The following CAMSAP3 variants were observed in gnomAD, a reference collection of about 807,000 sequenced individuals.
CAMSAP3 encodes the protein calmodulin-regulated spectrin-associated protein 3.
Under a neutral mutation model 112.5 loss-of-function variants are expected in CAMSAP3, and 34 were observed. The ratio of observed to expected loss-of-function variants is 0.30; its 90% CI spans 0.23 to 0.40. The LOEUF is 0.40. Among genes scored for constraint, CAMSAP3 ranks in the 10% least tolerant of loss-of-function variants. The pLI is 1.00. For synonymous variants in CAMSAP3, 868 were observed against 799.8 expected (o/e 1.09, Z -1.44); for missense variants, 1,602 against 1,770.3 (o/e 0.90, Z 1.71).
chr19:7,610,830 G>T lies in CAMSAP3; in HGVS notation c.994+37G>T, dbSNP rs746941334. The stretch of plus-strand genomic sequence containing the variant: ...GGGGCCTGGGGGCCGGGTCGGGGGC[G>T]GGTGGGAGAGCCAAACCCCCGCCTG... On this transcript the variant is annotated intron_variant, in intron 7 of 16. Transcript: ENST00000160298. This position sits in a 1 kb window ranked among gnomAD's most constrained non-coding sequence, Gnocchi z 4.9. 2 of 1,610,078 alleles carry T rather than the reference G, an allele frequency of 1.2e-6. No homozygotes were observed. The highest frequency in any genetic ancestry group is 1.7e-5 in the Admixed American group (1 of 59,938).
chr19:7,606,153 C>CCCCCCCCCCCCCCCCCCCCCA, intron 2 of CAMSAP3, 118 bp from the exon 3 acceptor site: 1 of 471,770 alleles, frequency 2.1e-6, no homozygotes, highest in Non-Finnish European at 3.7e-6. Context: ...CCCCTCAAGC[C>CCCCCCCCCCCCCCCCCCCCCA]CCACCCCCCC....
At chr19:7,608,101 C>T in intron 4 of CAMSAP3, 25 bp from the exon 5 acceptor site, 1 of 1,605,422 alleles carries the variant, frequency 6.2e-7, no homozygotes. Flanking sequence ...CCTGGCCACT[C>T]ACCTGACCTG....
chr19:7,616,874 T>C (rs750196638), intron 14 of CAMSAP3, among the ~76,000 whole-genome samples: 1 of 150,382 alleles, frequency 6.6e-6, no homozygotes, highest in Non-Finnish European at 1.5e-5. Context: ...CACGGGGCAC[T>C]GCATGGACTT....
At position 7,607,902 on chromosome 19, in the gene CAMSAP3, C is replaced by T; in HGVS notation, c.622-224C>T. 1.1e-6 allele frequency: 1 copy of T among 875,166 alleles called. No individual in the cohort carries two copies. Among genetic ancestry groups the T allele is most frequent in the Non-Finnish European group, 1.9e-6 (1 of 534,962 alleles). The allele number at this position is 875,166 out of a possible 1,614,324, so 54.2% of individuals were successfully genotyped here. ...TCCCCCGCCCCGGGGTCCCAGGAGT[C>T]CCTGTCCCCAGCCCCCGCTGCTGGC... On this transcript the variant is annotated intron_variant, in intron 4 of 16. Coordinates refer to ENST00000160298, the MANE Select transcript of CAMSAP3 (RefSeq NM_020902.2). This position sits in a 1 kb window ranked among gnomAD's most constrained non-coding sequence, Gnocchi z 4.9.
intron 2 of CAMSAP3, 145 bp from the exon 3 acceptor site, chr19:7,606,126 T>A: frequency 1.1e-6 from 1 of 888,948 alleles, no homozygotes; most frequent in Non-Finnish European, 1.7e-6. Context: ...GCCCCACCCA[T>A]GAACCACTGG....
At position 7,617,354 on chromosome 19, in the gene CAMSAP3, C is replaced by T. The variant is rs748136815; in HGVS notation, c.3241C>T (p.Pro1081Ser). Residue 1081 changes from proline to serine, a missense_variant, in exon 15 of 17, where the codon CCA (proline) becomes TCA (serine). By Grantham distance (74) the Pro-to-Ser change is moderately conservative. This residue lies in a region of CAMSAP3 where 1,100 missense variants were observed against 1,135.7 expected (regional missense o/e 0.97). Coordinates refer to ENST00000160298, the MANE Select transcript of CAMSAP3 (RefSeq NM_020902.2). This position sits in a 1 kb window ranked among gnomAD's most constrained non-coding sequence, Gnocchi z 7.5. ...TCCCTCCCCGTCAGGTCTCATGTCC[C>T]CAAGCCGCCTGCCTGGAAGCCGCGA... ...RAPSPSGLMS[P>S]SRLPGSRERD... is the part of the protein sequence containing the mutation. 1.2e-6 allele frequency: 2 copies of T among 1,614,122 alleles called. No individual in the cohort carries two copies. Among genetic ancestry groups the T allele is most frequent in the Non-Finnish European group, 8.5e-7 (1 of 1,179,984 alleles).
At chr19:7,606,079 C>T (rs2030199273) in intron 2 of CAMSAP3, among the ~76,000 whole-genome samples, 192 bp from the exon 3 acceptor site, 2 of 152,096 alleles carry the variant, frequency 1.3e-5, no homozygotes, top group South Asian at 4.1e-4. Flanking sequence ...TCGTGCGTGG[C>T]TTTTCCGGGA....
At position 7,615,047 on chromosome 19, in the gene CAMSAP3, C is replaced by T. The variant is rs1032696189; in HGVS notation, c.2671-136C>T. ...AGTGTGGGGCTGTGCATACAGTAGG[C>T]ACCAACTAAGTGCATTTAGAACAAT... On this transcript the variant is annotated intron_variant, in intron 11 of 16. Transcript: ENST00000160298. The surrounding 1 kb of genome is among the most constrained non-coding windows in gnomAD (Gnocchi z 6.5). The T allele has an allele frequency of 4.8e-6, 5 of 1,039,508 alleles. No homozygotes were observed. The highest frequency in any genetic ancestry group is 2.1e-5 in the Admixed American group (1 of 48,708). 64.4% of individuals were successfully genotyped at this position (1,039,508 alleles called of 1,614,324 possible). A position where few individuals can be genotyped will look rare whatever the true frequency, so the allele number is the denominator to read the frequency against.
chr19:7,610,333 AG>A lies in CAMSAP3; in HGVS notation c.761-142del. On this transcript the variant is annotated intron_variant, in intron 5 of 16. Transcript: ENST00000160298. This position sits in a 1 kb window ranked among gnomAD's most constrained non-coding sequence, Gnocchi z 4.9. ...ACTCCATCTCAAAAAAAAAAAAAAA[AG>A]AATTCACCTCTCGAAGGGCACCTGG... 6.3e-5 allele frequency: 42 copies of A among 667,522 alleles called. No individual in the cohort carries two copies. The highest frequency in any genetic ancestry group is 1.8e-4 in the South Asian group (9 of 50,288). 41.3% of individuals were successfully genotyped at this position (667,522 alleles called of 1,614,324 possible).
rs368691546 is a variant in CAMSAP3 at position 7,611,633 on chromosome 19, C to T, written c.1193+47C>T. On this transcript the variant is annotated intron_variant, in intron 10 of 16. Coordinates refer to ENST00000160298, the MANE Select transcript of CAMSAP3 (RefSeq NM_020902.2). This position sits in a 1 kb window ranked among gnomAD's most constrained non-coding sequence, Gnocchi z 6.9. ...GGGTAGGGGGTGGAGCAGGCTAGGG[C>T]GGGTTGGGGCCGAGGCTGGTCCCAG... 107 of 1,590,910 alleles carry T rather than the reference C, an allele frequency of 6.7e-5. No homozygotes were observed. The highest frequency in any genetic ancestry group is 8.8e-5 in the Admixed American group (5 of 57,098).
Position 7,616,619 on chromosome 19 carries a change from C to A in CAMSAP3, c.3209C>A (p.Ser1070Tyr). 6.2e-7 allele frequency: 1 copy of A among 1,604,806 alleles called. No individual in the cohort carries two copies. Among genetic ancestry groups the A allele is most frequent in the Non-Finnish European group, 8.5e-7 (1 of 1,177,848 alleles). The change falls in exon 14 of 17, where the codon TCT (serine) becomes TAT (tyrosine). Residue 1070 changes from serine (S) to tyrosine (Y), a missense_variant. Physicochemically the swap from Ser to Tyr is moderately radical, Grantham distance 144. Coordinates refer to ENST00000160298, the MANE Select transcript of CAMSAP3 (RefSeq NM_020902.2). Reference protein sequence around the residue: ...HNNLGVKRPTSRAPSPSGLMS... With the variant: ...HNNLGVKRPTYRAPSPSGLMS... Reference sequence around the variant, plus strand: ...AACCTCGGGGTGAAGAGGCCCACGTCTCGGTGAGTTTAGCCCGCACAGGCG... The same window carrying A: ...AACCTCGGGGTGAAGAGGCCCACGTATCGGTGAGTTTAGCCCGCACAGGCG...
intron 13 of CAMSAP3, among the ~76,000 whole-genome samples, chr19:7,616,029 A>T (rs183099385): frequency 0.012 from 1,827 of 149,712 alleles, 31 homozygotes; most frequent in African/African-American, 0.042. Flanking sequence ...ATCTCTATTA[A>T]AAATACAAAA....
intron 1 of CAMSAP3, among the ~76,000 whole-genome samples, chr19:7,600,377 G>A (rs1261081503): frequency 4.0e-3 from 5 of 1,248 alleles, no homozygotes; most frequent in African/African-American, 6.6e-3. Context: ...CCACCCATCC[G>A]TCCACCCGCC....
chr19:7,605,710 G>T lies in CAMSAP3; in HGVS notation c.402+231G>T, dbSNP rs541140669. ...TATTAAGCCTAGTTCCTCCCACGAG[G>T]TCTGGCTCCTCCCCTCAAGCGCTAT... is the stretch of plus-strand genomic sequence containing the variant. On this transcript the variant is annotated intron_variant, in intron 2 of 16. Coordinates refer to ENST00000160298, the MANE Select transcript of CAMSAP3 (RefSeq NM_020902.2). 4.7e-5 allele frequency among the ~76,000 whole-genome samples: 7 copies of T among 147,882 alleles called. No individual in the cohort carries two copies. In the Admixed American group the frequency reaches 5.1e-4, roughly 11 times the overall value.
Position 7,610,563 on chromosome 19 carries a change from G to C in CAMSAP3, c.848G>C (p.Arg283Pro). The C allele has an allele frequency of 6.2e-7, 1 of 1,613,678 alleles. No homozygotes were observed. The highest frequency in any genetic ancestry group is 8.5e-7 in the Non-Finnish European group (1 of 1,179,998). ...VQDFCASRLP[R>P]GCPLSLEDLL... ...GATTTCTGTGCCTCTCGCCTTCCTC[G>C]TGGCTGCCCCCTGTCCCTTGAGGAC... The change falls in exon 6 of 17, where the codon CGT becomes CCT. Residue 283 changes from arginine to proline, a missense_variant. By Grantham distance (103) the Arg-to-Pro change is moderately radical. Around this residue, in one of 6 missense-constraint regions of CAMSAP3, gnomAD observed 58 missense variants for 108.4 expected, o/e 0.54. Transcript: ENST00000160298. The surrounding 1 kb of genome is among the most constrained non-coding windows in gnomAD (Gnocchi z 4.9).
Position 7,611,763 on chromosome 19 carries a change from C to A in CAMSAP3, c.1270C>A (p.Pro424Thr). 2 of 1,591,204 alleles carry A rather than the reference C, an allele frequency of 1.3e-6. No homozygotes were observed. The highest frequency in any genetic ancestry group is 1.7e-6 in the Non-Finnish European group (2 of 1,168,416). The part of the protein sequence containing the change: ...DSDVDVVMGD[P>T]VLLRSVSSDS... ...CGACGTGGATGTCGTCATGGGAGAC[C>A]CTGTGCTCCTCCGCTCTGTGAGCTC... The change falls in exon 11 of 17, where the codon CCT becomes ACT. Residue 424 changes from proline to threonine, a missense_variant. Coordinates refer to ENST00000160298, the MANE Select transcript of CAMSAP3 (RefSeq NM_020902.2). This position sits in a 1 kb window ranked among gnomAD's most constrained non-coding sequence, Gnocchi z 6.9.
In CAMSAP3 at chr19:7,617,330, C is replaced by A. The variant is rs2030860217; in HGVS notation, c.3217C>A (p.Pro1073Thr). ...CCCATCCTTCTCCCACTGCAGGGCT[C>A]CCTCCCCGTCAGGTCTCATGTCCCC... ...LGVKRPTSRA[P>T]SPSGLMSPSR... is the part of the protein sequence containing the mutation. Residue 1073 changes from proline to threonine, a missense_variant, in exon 15 of 17, where the codon CCC becomes ACC. Pro to Thr is a conservative substitution (Grantham distance 38). Transcript: ENST00000160298. This position sits in a 1 kb window ranked among gnomAD's most constrained non-coding sequence, Gnocchi z 7.5. 2 of 1,613,144 alleles carry A rather than the reference C, an allele frequency of 1.2e-6. No homozygotes were observed. The highest frequency in any genetic ancestry group is 1.7e-6 in the Non-Finnish European group (2 of 1,179,134).
chr19:7,596,169 C>T lies in CAMSAP3; in HGVS notation c.148+19C>T. The T allele has an allele frequency of 6.8e-6, 1 of 146,096 alleles. No homozygotes were observed. Among genetic ancestry groups the T allele is most frequent in the Non-Finnish European group, 9.9e-6 (1 of 101,164 alleles). 9.0% of individuals were successfully genotyped at this position (146,096 alleles called of 1,614,324 possible). On this transcript the variant is annotated intron_variant, in intron 1 of 16. Coordinates refer to ENST00000160298, the MANE Select transcript of CAMSAP3 (RefSeq NM_020902.2). ...GGCGCAGGTACCGGGGCTCGGGGGA[C>T]CGGGGTCGGGGGCGGCGGGCCGGGC...
chr19:7,611,930 C>T lies in CAMSAP3; in HGVS notation c.1437C>T (p.Ala479=), dbSNP rs748189567. 24 of 1,593,748 alleles carry T rather than the reference C, an allele frequency of 1.5e-5. No homozygotes were observed. The highest frequency in any genetic ancestry group is 3.4e-5 in the Admixed American group (2 of 58,220). ...CCCGGCTCCTCCCAGATGGGGCGGCCGACGGCAGCTTCTACCTCCACTCCC... is the reference window on the plus strand; with the variant it reads ...CCCGGCTCCTCCCAGATGGGGCGGCTGACGGCAGCTTCTACCTCCACTCCC... ...AEPRLLPDGA[A]DGSFYLHSPE... Residue 479 remains alanine, a synonymous_variant, in exon 11 of 17, where the codon GCC becomes GCT. Transcript: ENST00000160298. This position sits in a 1 kb window ranked among gnomAD's most constrained non-coding sequence, Gnocchi z 6.9.
Sources: gnomAD v4.1 joint callset for allele counts (sites outside exome capture counted in the v4.1 genomes callset) on GRCh38, gnomAD v4.1.1 for gene constraint, gnomAD v4.1.1 regional missense constraint, Gnocchi (gnomAD v3.1) non-coding constraint, MANE v1.5 for transcripts, NCBI Gene and HGNC (gene_info 2026-07-23, HGNC 2026-07-21) for gene names.